EDIL3: variants seen among roughly 807,000 people sequenced by gnomAD.
EDIL3 encodes the protein EGF like and discoidin domains 3.
Under a neutral mutation model 67.4 loss-of-function variants are expected in EDIL3, and 37 were observed. The observed-to-expected ratio is 0.55, with a 90% CI of 0.42 to 0.72. EDIL3 has a LOEUF of 0.72. EDIL3 is among the 30% of genes least tolerant of loss of function. The pLI, the probability that EDIL3 is intolerant of heterozygous loss-of-function variation, is 0.00. For synonymous variants in EDIL3, 195 were observed against 196.3 expected (o/e 0.99, Z 0.05); for missense variants, 527 against 586.3 (o/e 0.90, Z 1.04).
chr5:84,199,714 T>A (rs995390816), intron 3 of EDIL3, among the ~76,000 whole-genome samples: 3 of 152,010 alleles, frequency 2.0e-5, no homozygotes, highest in Non-Finnish European at 4.4e-5. Flanking sequence ...GTCTCAAATC[T>A]CCCGTAAACA....
intron 1 of EDIL3, among the ~76,000 whole-genome samples, chr5:84,374,178 C>T (rs1372864839): frequency 6.6e-6 from 1 of 151,524 alleles, no homozygotes; most frequent in Non-Finnish European, 1.5e-5. Context: ...GTATGCCAAC[C>T]TCTCCTTTTT....
intron 5 of EDIL3, among the ~76,000 whole-genome samples, chr5:84,109,232 G>A (rs549215123): frequency 4.6e-5 from 7 of 152,254 alleles, no homozygotes; most frequent in East Asian, 1.9e-4. Flanking sequence ...CAAGCTGGGC[G>A]CAGTGGCTCA....
intron 10 of EDIL3, among the ~76,000 whole-genome samples, chr5:83,957,477 T>C (rs1744534496): frequency 6.6e-6 from 1 of 151,706 alleles, no homozygotes; most frequent in Non-Finnish European, 1.5e-5. Context: ...ATTTCAGCTC[T>C]CCAAAACTAC....
chr5:84,158,735 C>T (rs866417918), intron 4 of EDIL3, among the ~76,000 whole-genome samples: 9 of 151,908 alleles, frequency 5.9e-5, no homozygotes, highest in Non-Finnish European at 8.8e-5. Flanking sequence ...AACCTTTATC[C>T]TAAGATGTTT....
intron 1 of EDIL3, among the ~76,000 whole-genome samples, chr5:84,309,170 T>G (rs1223488910): frequency 2.0e-5 from 3 of 152,140 alleles, no homozygotes; most frequent in Non-Finnish European, 4.4e-5. Flanking sequence ...TGACAGAATT[T>G]CCCCATTTAT....
At chr5:84,162,645 T>C (rs1032972381) in intron 4 of EDIL3, among the ~76,000 whole-genome samples, 6 of 152,116 alleles carry the variant, frequency 3.9e-5, no homozygotes, top group African/African-American at 9.7e-5. Flanking sequence ...TGGAGCACCA[T>C]GTTGATTGCA....
chr5:84,280,754 G>T (rs1419363827), intron 1 of EDIL3, among the ~76,000 whole-genome samples: 2 of 151,770 alleles, frequency 1.3e-5, no homozygotes, highest in East Asian at 3.9e-4. Flanking sequence ...GGAGTTCTGG[G>T]CAACATGGTG....
chr5:84,287,057 G>A (rs1414094467), intron 1 of EDIL3, among the ~76,000 whole-genome samples: 1 of 152,088 alleles, frequency 6.6e-6, no homozygotes, highest in African/African-American at 2.4e-5. Flanking sequence ...AATAACACTG[G>A]CAATTAGAGA....
chr5:83,941,144 T>C lies in EDIL3; in HGVS notation c.*2275A>G, dbSNP rs555806755. On this transcript the variant is annotated 3_prime_UTR_variant, in exon 11 of 11. Transcript: ENST00000296591. Reference sequence around the variant, plus strand: ...CAAAAGCTACTTCATAATACTACTTTACAATAGTTTTCAACATTTCCATAT... The same window carrying C: ...CAAAAGCTACTTCATAATACTACTTCACAATAGTTTTCAACATTTCCATAT... The C allele has an allele frequency of 6.6e-6, 1 of 152,008 alleles. No homozygotes were observed. The highest frequency in any genetic ancestry group is 1.5e-5 in the Non-Finnish European group (1 of 67,892). The allele number at this position is 152,008 out of a possible 1,614,324, so 9.4% of individuals were successfully genotyped here.
chr5:84,315,625 C>T (rs1746497564), intron 1 of EDIL3, among the ~76,000 whole-genome samples: 1 of 152,084 alleles, frequency 6.6e-6, no homozygotes, highest in Non-Finnish European at 1.5e-5. Context: ...TTTCAGGGAT[C>T]ATTTCTATGG....
chr5:84,191,976 C>G (rs1743597451), intron 3 of EDIL3, among the ~76,000 whole-genome samples: 1 of 151,930 alleles, frequency 6.6e-6, no homozygotes, highest in African/African-American at 2.4e-5. Context: ...ATTTAAGGCA[C>G]TTAGGGTTAT....
At position 83,943,527 on chromosome 5, in the gene EDIL3, A is replaced by AT. The variant is rs750028646; in HGVS notation, c.1334dup (p.Asn445LysfsTer51). The AT allele has an allele frequency of 1.9e-6, 3 of 1,612,394 alleles. No individual in the cohort carries two copies. The highest frequency in any genetic ancestry group is 1.1e-5 in the South Asian group (1 of 91,024). ...GTGCATAGATGGGAGGGTCGATGAC[A>AT]TTTTTTCTGTGAGTGTCATTGTCAA... On this transcript the variant is annotated frameshift_variant, in exon 11 of 11. Transcript: ENST00000296591. LOFTEE classifies it high-confidence loss of function.
intron 2 of EDIL3, among the ~76,000 whole-genome samples, chr5:84,230,763 ATGTGTG>A (rs59552122): frequency 2.0e-4 from 28 of 137,226 alleles, no homozygotes; most frequent in East Asian, 4.6e-4. Context: ...CCACTACGTG[ATGTGTG>A]TGTGTGTGTG....
intron 3 of EDIL3, among the ~76,000 whole-genome samples, chr5:84,186,343 TCAGGTTAAATAA>T (rs1274714809): frequency 1.3e-5 from 2 of 152,040 alleles, no homozygotes; most frequent in Non-Finnish European, 1.5e-5. Context: ...CCCACTAATT[TCAGGTTAAATAA>T]CATTTATTCA....
At chr5:84,147,938 C>T (rs988594158) in intron 4 of EDIL3, among the ~76,000 whole-genome samples, 1 of 152,014 alleles carries the variant, frequency 6.6e-6, no homozygotes, top group Non-Finnish European at 1.5e-5. Context: ...ATTAAGAATA[C>T]TTCCTGCTTC....
chr5:84,342,757 T>C (rs1001953439), intron 1 of EDIL3, among the ~76,000 whole-genome samples: 1 of 152,086 alleles, frequency 6.6e-6, no homozygotes, highest in Non-Finnish European at 1.5e-5. Context: ...TATGGTTTTC[T>C]GGAACTGAAT....
intron 4 of EDIL3, among the ~76,000 whole-genome samples, chr5:84,144,440 G>T (rs1038312874): frequency 1.4e-4 from 22 of 152,082 alleles, no homozygotes; most frequent in African/African-American, 5.3e-4. Flanking sequence ...CAGTTACAGT[G>T]TAAGGTAACA....
intron 1 of EDIL3, among the ~76,000 whole-genome samples, chr5:84,373,115 T>C (rs972501481): frequency 6.6e-6 from 1 of 152,128 alleles, no homozygotes; most frequent in Non-Finnish European, 1.5e-5. Flanking sequence ...AGTTTTAATT[T>C]CATGTCATCT....
intron 9 of EDIL3, among the ~76,000 whole-genome samples, chr5:83,976,248 T>C (rs1486117564): frequency 2.6e-5 from 4 of 151,920 alleles, no homozygotes; most frequent in Non-Finnish European, 5.9e-5. Flanking sequence ...TAAGTTGTCA[T>C]GTTGACAATA....
Sources: gnomAD v4.1 joint callset for allele counts (sites outside exome capture counted in the v4.1 genomes callset) on GRCh38, gnomAD v4.1.1 for gene constraint, MANE v1.5 for transcripts, NCBI Gene and HGNC (gene_info 2026-07-23, HGNC 2026-07-21) for gene names.